Variants in THOC1 observed in about 807,000 individuals in gnomAD.
The protein encoded by THOC1 is THO complex subunit 1.
Under a neutral mutation model 97.3 loss-of-function variants are expected in THOC1, and 29 were observed. The ratio of observed to expected loss-of-function variants is 0.30; its 90% CI spans 0.22 to 0.41. THOC1 has a LOEUF of 0.41. Ranked by LOEUF, THOC1 falls within the 10% of genes least tolerant of loss-of-function variation. The probability of loss-of-function intolerance (pLI) is 1.00; values close to 1 mark genes in which losing one functional copy is unlikely to be tolerated. For synonymous variants in THOC1, 255 were observed against 257.0 expected (o/e 0.99, Z 0.07); for missense variants, 529 against 761.9 (o/e 0.69, Z 3.60).
intron 7 of THOC1, among the ~76,000 whole-genome samples, chr18:258,844 A>C (rs755135133): frequency 5.2e-4 from 79 of 152,162 alleles, no homozygotes; most frequent in Non-Finnish European, 7.5e-4. Flanking sequence ...AAGTCTATAT[A>C]GCTAAATAGT....
At chr18:256,947 G>A (rs894543135) in intron 7 of THOC1, among the ~76,000 whole-genome samples, 15 of 152,128 alleles carry the variant, frequency 9.9e-5, no homozygotes, top group African/African-American at 3.6e-4. Flanking sequence ...TCAACATCAA[G>A]GTAAGACCCC....
chr18:248,817 C>T (rs1912179684), intron 9 of THOC1, among the ~76,000 whole-genome samples: 1 of 152,060 alleles, frequency 6.6e-6, no homozygotes, highest in Non-Finnish European at 1.5e-5. Flanking sequence ...GTGGTGCGAT[C>T]TCAGCTCACT....
chr18:216,684 T>G (rs1910902826), intron 18 of THOC1, 51 bp from the exon 19 acceptor site: 2 of 1,576,828 alleles, frequency 1.3e-6, no homozygotes, highest in South Asian at 2.3e-5. Flanking sequence ...ATTTCTGTAT[T>G]CCCTTCTGCT....
At chr18:215,669 C>T in intron 19 of THOC1, 165 bp from the exon 20 acceptor site, 1 of 571,866 alleles carries the variant, frequency 1.7e-6, no homozygotes. Context: ...CTAAGTGGGA[C>T]TATCTTCACC....
intron 11 of THOC1, among the ~76,000 whole-genome samples, chr18:235,426 A>G (rs1288038193): frequency 6.6e-6 from 1 of 152,050 alleles, no homozygotes; most frequent in Non-Finnish European, 1.5e-5. Context: ...TGAACGCTCA[A>G]TTTGTCACTC....
intron 9 of THOC1, among the ~76,000 whole-genome samples, chr18:252,146 T>C (rs1436672782): frequency 6.6e-6 from 1 of 152,182 alleles, no homozygotes; most frequent in East Asian, 1.9e-4. Context: ...AGAAACAGTT[T>C]TAAGAGCAAG....
At chr18:245,241 T>A (rs769293057) in intron 11 of THOC1, 4 of 152,178 alleles carry the variant, frequency 2.6e-5, no homozygotes, top group Non-Finnish European at 4.4e-5. Context: ...ATTTTGGAAT[T>A]TTAATTTATC....
Position 214,698 on chromosome 18 carries a change from A to C in THOC1, c.1902T>G (p.Ile634Met). 6.2e-7 allele frequency: 1 copy of C among 1,613,926 alleles called. No individual in the cohort carries two copies. The highest frequency in any genetic ancestry group is 8.5e-7 in the Non-Finnish European group (1 of 1,179,820). The change falls in exon 21 of 21, where the codon ATT becomes ATG. Residue 634 changes from isoleucine to methionine, a missense_variant. Transcript: ENST00000261600. Reference protein sequence around the residue: ...EGVHATPENLINALNKSGLSD... With the variant: ...EGVHATPENLMNALNKSGLSD... Reference sequence around the variant, plus strand: ...TTAATCCAGACTTATTCAGTGCATTAATCAGATTCTCAGGTGTTGCATGAA... The same window carrying C: ...TTAATCCAGACTTATTCAGTGCATTCATCAGATTCTCAGGTGTTGCATGAA...
At chr18:249,666 A>C (rs1327180013) in intron 9 of THOC1, among the ~76,000 whole-genome samples, 2 of 136,364 alleles carry the variant, frequency 1.5e-5, no homozygotes, top group African/African-American at 5.5e-5. Context: ...CGTCTCAAAA[A>C]AGAAAAAAAA....
At chr18:215,398 T>C in intron 20 of THOC1, 31 bp downstream of exon 20, 1 of 1,570,794 alleles carries the variant, frequency 6.4e-7, no homozygotes, top group Non-Finnish European at 8.8e-7. Flanking sequence ...TCTTCAATTT[T>C]GTTAAATAAC....
intron 1 of THOC1, 76 bp from the exon 2 acceptor site, chr18:265,606 T>C (rs1912742854): frequency 2.5e-6 from 3 of 1,177,736 alleles, no homozygotes; most frequent in South Asian, 1.5e-5. Context: ...CGTTCATTGA[T>C]AGTGTATCTT....
intron 11 of THOC1, among the ~76,000 whole-genome samples, chr18:230,798 C>A (rs1158312180): frequency 1.3e-5 from 2 of 152,210 alleles, no homozygotes; most frequent in African/African-American, 4.8e-5. Flanking sequence ...TGCAATGGCA[C>A]CATCATAGCT....
At position 225,383 on chromosome 18, in the gene THOC1, T is replaced by C; in HGVS notation, c.1040A>G (p.Asp347Gly). The C allele has an allele frequency of 6.2e-7, 1 of 1,613,574 alleles. No individual in the cohort carries two copies. The highest frequency in any genetic ancestry group is 1.3e-5 in the African/African-American group (1 of 75,048). Residue 347 changes from aspartate (D) to glycine (G), a missense_variant, in exon 13 of 21, where the codon GAT becomes GGT. Coordinates refer to ENST00000261600, the MANE Select transcript of THOC1 (RefSeq NM_005131.3). ...ATCTTCAATCCAAAGTGATTGCTCATCAGTTAAAACATAGTTTGAACTAGG... is the reference window on the plus strand; with the variant it reads ...ATCTTCAATCCAAAGTGATTGCTCACCAGTTAAAACATAGTTTGAACTAGG... ...KFKSSNYVLTDEQSLWIEDTT... is the reference protein window; with the variant it reads ...KFKSSNYVLTGEQSLWIEDTT...
rs755820555 is a variant in THOC1, at chr18:224,112, C to T, written c.1276G>A (p.Gly426Arg). Residue 426 changes from glycine (G) to arginine (R), a missense_variant, in exon 16 of 21, where the codon GGA (glycine) becomes AGA (arginine). Coordinates refer to ENST00000261600, the MANE Select transcript of THOC1 (RefSeq NM_005131.3). Reference protein sequence around the residue: ...RTAPEDFLGKGPTKKILMGNE... With the variant: ...RTAPEDFLGKRPTKKILMGNE... ...CCCATCAGAATTTTTTTGGTGGGTC[C>T]TTTCCCTAGGAAGTCCTCGGGTGCT... 17 of 1,610,536 alleles carry T rather than the reference C, an allele frequency of 1.1e-5. No individual in the cohort carries two copies. The highest frequency in any genetic ancestry group is 1.4e-5 in the Non-Finnish European group (16 of 1,178,350).
At chr18:247,126 T>C (rs1289177700) in intron 10 of THOC1, among the ~76,000 whole-genome samples, 1 of 152,132 alleles carries the variant, frequency 6.6e-6, no homozygotes, top group African/African-American at 2.4e-5. Flanking sequence ...CCAGATTATT[T>C]CTCACTAACC....
At chr18:266,539 A>ATTTTT in intron 1 of THOC1, among the ~76,000 whole-genome samples, 1 of 136,130 alleles carries the variant, frequency 7.3e-6, no homozygotes, top group African/African-American at 2.8e-5. Flanking sequence ...GGCTAGTATG[A>ATTTTT]TTTTTTTTTT....
intron 1 of THOC1, among the ~76,000 whole-genome samples, chr18:266,465 G>A (rs1598309810): frequency 6.6e-6 from 1 of 151,920 alleles, no homozygotes; most frequent in African/African-American, 2.4e-5. Flanking sequence ...ACAAGAATCT[G>A]CATTTCACAA....
chr18:243,513 G>A (rs1911981607), intron 11 of THOC1, among the ~76,000 whole-genome samples: 1 of 151,936 alleles, frequency 6.6e-6, no homozygotes, highest in Admixed American at 6.6e-5. Flanking sequence ...ACTCCAGCCT[G>A]GGCGACAGAG....
chr18:217,060 A>G (rs1016207361), intron 18 of THOC1, among the ~76,000 whole-genome samples: 5 of 152,260 alleles, frequency 3.3e-5, no homozygotes, highest in African/African-American at 1.2e-4. Flanking sequence ...GTGAGAAACA[A>G]ACTGCAGAGA....
Sources: allele counts gnomAD v4.1 joint callset (sites outside exome capture counted in the v4.1 genomes callset), GRCh38; gene constraint gnomAD v4.1.1; transcripts MANE v1.5; gene names NCBI Gene and HGNC (gene_info 2026-07-23, HGNC 2026-07-21).